The following ASB7 variants were observed in gnomAD, a reference collection of about 807,000 sequenced individuals.
ASB7 encodes ankyrin repeat and SOCS box protein 7.
ASB7 carries 4 observed loss-of-function variants against 32.5 expected under a neutral mutation model. The ratio of observed to expected loss-of-function variants is 0.12; its 90% confidence interval spans 0.06 to 0.28. The LOEUF is 0.28. ASB7 is among the 10% of genes least tolerant of loss of function. The pLI, the probability that ASB7 is intolerant of heterozygous loss-of-function variation, is 1.00. For synonymous variants in ASB7, 172 were observed against 155.6 expected, an observed-to-expected ratio of 1.11 and a Z score of -0.78; for missense variants, 181 against 407.1, an observed-to-expected ratio of 0.44 and a Z score of 4.78.
chr15:100,630,274 G>T, intron 5 of ASB7: 3 of 1,033,804 alleles, frequency 2.9e-6, no homozygotes, highest in Non-Finnish European at 3.8e-6. Context: ...GTAAGAGTGA[G>T]GGAAGGAATG....
chr15:100,632,854 T>C (rs1404820877), intron 5 of ASB7, among the ~76,000 whole-genome samples: 1 of 77,298 alleles, frequency 1.3e-5, no homozygotes, highest in Non-Finnish European at 2.5e-5. Flanking sequence ...ATCTATATAG[T>C]GCAAAAAAAA....
At chr15:100,622,868 C>T (rs562014154) in intron 4 of ASB7, among the ~76,000 whole-genome samples, 12 of 152,272 alleles carry the variant, frequency 7.9e-5, no homozygotes, top group African/African-American at 2.9e-4. Context: ...CAGGACATTG[C>T]TTTAGGCAGA....
intron 2 of ASB7, among the ~76,000 whole-genome samples, chr15:100,608,055 C>G (rs557543552): frequency 2.0e-5 from 3 of 152,228 alleles, no homozygotes; most frequent in Admixed American, 6.5e-5. Context: ...ATGTTTACTT[C>G]TTATGGGAAG....
chr15:100,647,602 G>T (rs1457552646), intron 5 of ASB7, among the ~76,000 whole-genome samples: 6 of 152,142 alleles, frequency 3.9e-5, no homozygotes, highest in Non-Finnish European at 8.8e-5. Context: ...GATATAACGG[G>T]TTTTTATTGG....
At chr15:100,644,513 T>C (rs2039984489) in intron 5 of ASB7, among the ~76,000 whole-genome samples, 1 of 152,232 alleles carries the variant, frequency 6.6e-6, no homozygotes, top group Non-Finnish European at 1.5e-5. Flanking sequence ...TGTTTTATAC[T>C]TTAAGGACAA....
At chr15:100,613,906 A>C (rs2039718338) in intron 4 of ASB7, among the ~76,000 whole-genome samples, 1 of 152,182 alleles carries the variant, frequency 6.6e-6, no homozygotes, top group South Asian at 2.1e-4. Flanking sequence ...GTGTGGATGT[A>C]ACTGGGTATA....
At position 100,648,661 on chromosome 15, in the gene ASB7, C is replaced by T; in HGVS notation, c.*199C>T. 2.3e-6 allele frequency: 1 copy of T among 441,634 alleles called. No homozygotes were observed. The allele number at this position is 441,634 out of a possible 1,614,324, so 27.4% of individuals were successfully genotyped here. ...TTTATATATATATAAAAACACACAC[C>T]ACATGCTTGAAGGTCTTAATTTGGT... On this transcript the variant is annotated 3_prime_UTR_variant, in exon 6 of 6. Transcript: ENST00000332783.
intron 4 of ASB7, among the ~76,000 whole-genome samples, chr15:100,621,355 T>C (rs1266696073): frequency 2.6e-5 from 4 of 152,224 alleles, no homozygotes; most frequent in Non-Finnish European, 4.4e-5. Flanking sequence ...CCTTTCATTG[T>C]ATATAATTTT....
chr15:100,646,381 G>T, intron 5 of ASB7: 1 of 380,298 alleles, frequency 2.6e-6, no homozygotes, highest in Non-Finnish European at 5.4e-6. Flanking sequence ...TTCTGGTTGG[G>T]GTGCGGTGTA....
At chr15:100,626,637 C>T (rs2039841032) in intron 4 of ASB7, among the ~76,000 whole-genome samples, 2 of 152,130 alleles carry the variant, frequency 1.3e-5, no homozygotes, top group South Asian at 4.1e-4. Flanking sequence ...CTCTGTCTCT[C>T]TCTCTCTCTG....
intron 4 of ASB7, among the ~76,000 whole-genome samples, chr15:100,625,342 A>G (rs556125988): frequency 5.9e-5 from 9 of 152,354 alleles, no homozygotes; most frequent in Admixed American, 2.6e-4. Flanking sequence ...GAAAACTACA[A>G]ATGTGTTCTA....
rs1046501898 is a variant in ASB7, at chr15:100,609,770, A to T, written c.-110A>T. 5 of 152,238 alleles carry T rather than the reference A, an allele frequency of 3.3e-5. No homozygotes were observed. The highest frequency in any genetic ancestry group is 1.2e-4 in the African/African-American group (5 of 41,442). 9.4% of individuals were successfully genotyped at this position (152,238 alleles called of 1,614,324 possible). A position where few individuals can be genotyped will look rare whatever the true frequency, so the allele number is the denominator to read the frequency against. ...TTGAAGCCCCTCCCCACGATGCTGT[A>T]CGTGCACAATGGTTACTAGGCAATC... is the stretch of plus-strand genomic sequence containing the variant. On this transcript the variant is annotated 5_prime_UTR_variant, in exon 3 of 6. Coordinates refer to ENST00000332783, the MANE Select transcript of ASB7 (RefSeq NM_198243.3).
intron 5 of ASB7, among the ~76,000 whole-genome samples, chr15:100,638,118 AG>A (rs1174183031): frequency 6.6e-6 from 1 of 152,170 alleles, no homozygotes; most frequent in Non-Finnish European, 1.5e-5. Context: ...TAAAAGTGCA[AG>A]GGGGTCCTAA....
chr15:100,641,910 A>G (rs1170413983), intron 5 of ASB7, among the ~76,000 whole-genome samples: 1 of 152,236 alleles, frequency 6.6e-6, no homozygotes, highest in African/African-American at 2.4e-5. Context: ...GAACACAGGC[A>G]GGAAGCTAAG....
rs184317361 is a variant in ASB7 at position 100,608,083 on chromosome 15, A to C, written c.-173-1624A>C. On this transcript the variant is annotated intron_variant, in intron 2 of 5. Coordinates refer to ENST00000332783, the MANE Select transcript of ASB7 (RefSeq NM_198243.3). ...ATGGGAAGTAAGGGGTGCTGAGGAC[A>C]CACTTGGAAGTGAGATGTCCAGTGA... 3.5e-4 allele frequency among the ~76,000 whole-genome samples: 54 copies of C among 152,320 alleles called. 1 individual carries two copies. The highest frequency in any genetic ancestry group is 1.3e-3 in the African/African-American group (52 of 41,572).
chr15:100,645,450 A>C, intron 5 of ASB7: 2 of 438,588 alleles, frequency 4.6e-6, no homozygotes, highest in Non-Finnish European at 8.5e-6. Context: ...CTGTAGGAAT[A>C]CAGTTTATTA....
At chr15:100,606,192 GT>G (rs149022631) in intron 2 of ASB7, among the ~76,000 whole-genome samples, 4 of 149,484 alleles carry the variant, frequency 2.7e-5, no homozygotes, top group African/African-American at 9.8e-5. Flanking sequence ...TTGAAGGATT[GT>G]TTTTTTTTTC....
At chr15:100,627,118 G>A (rs749427283) in intron 4 of ASB7, among the ~76,000 whole-genome samples, 8 of 151,942 alleles carry the variant, frequency 5.3e-5, no homozygotes, top group Non-Finnish European at 7.4e-5. Context: ...ATATTCATAG[G>A]TAATGTTTCT....
At chr15:100,616,724 T>A (rs764893594) in intron 4 of ASB7, among the ~76,000 whole-genome samples, 1 of 152,246 alleles carries the variant, frequency 6.6e-6, no homozygotes, top group Non-Finnish European at 1.5e-5. Context: ...CCTAGTAGAA[T>A]AAGAGATTCA....
Sources: gnomAD v4.1 joint callset for allele counts (sites outside exome capture counted in the v4.1 genomes callset) on GRCh38, gnomAD v4.1.1 for gene constraint, MANE v1.5 for transcripts, NCBI Gene and HGNC (gene_info 2026-07-23, HGNC 2026-07-21) for gene names.